Variants in CTIF observed in about 807,000 individuals in gnomAD.
CTIF encodes cap binding complex dependent translation initiation factor.
In CTIF, 21 loss-of-function variants were observed where a neutral mutation model predicts 66.0. That is an observed-to-expected ratio of 0.32 (90% CI 0.23 to 0.46). The LOEUF (loss-of-function observed/expected upper bound fraction) is 0.46. Among genes scored for constraint, CTIF ranks in the 20% least tolerant of loss-of-function variants. The pLI is 1.00. For missense variants in CTIF, 739 were observed against 812.7 expected (o/e 0.91, Z 1.10); for synonymous variants, 345 against 326.4 (o/e 1.06, Z -0.62).
At chr18:48,838,608 T>C (rs2068866101) in intron 10 of CTIF, among the ~76,000 whole-genome samples, 1 of 152,220 alleles carries the variant, frequency 6.6e-6, no homozygotes. Flanking sequence ...TCAAAGTATA[T>C]GCATTACTGC....
intron 7 of CTIF, among the ~76,000 whole-genome samples, chr18:48,719,024 CTGCT>C (rs1289271672): frequency 6.6e-5 from 10 of 152,154 alleles, no homozygotes; most frequent in Non-Finnish European, 1.3e-4. Flanking sequence ...TGGGAGAGGT[CTGCT>C]TTCTTTTTGC....
At chr18:48,836,512 G>A (rs11665556) in intron 10 of CTIF, among the ~76,000 whole-genome samples, 52,516 of 152,018 alleles carry the variant, frequency 0.35, 9,096 homozygotes, top group South Asian at 0.41. Context: ...AGGCCTGGGC[G>A]ATTATGAGGC....
intron 9 of CTIF, among the ~76,000 whole-genome samples, chr18:48,765,349 G>T (rs751644476): frequency 6.6e-6 from 1 of 152,104 alleles, no homozygotes; most frequent in Non-Finnish European, 1.5e-5. Flanking sequence ...GGCAGCCTCC[G>T]AGATGCCCCC....
At chr18:48,787,637 C>A (rs1462456505) in intron 9 of CTIF, among the ~76,000 whole-genome samples, 4 of 152,180 alleles carry the variant, frequency 2.6e-5, no homozygotes, top group Admixed American at 6.5e-5. Flanking sequence ...AGTCTGCCCC[C>A]TCCTGAGAAG....
At chr18:48,825,139 G>C (rs970844841) in intron 10 of CTIF, among the ~76,000 whole-genome samples, 1 of 152,116 alleles carries the variant, frequency 6.6e-6, no homozygotes, top group African/African-American at 2.4e-5. Context: ...AAGGAGGAAG[G>C]CAGGGCGCTT....
chr18:48,648,290 C>T (rs1161201565), intron 3 of CTIF, among the ~76,000 whole-genome samples: 1 of 152,140 alleles, frequency 6.6e-6, no homozygotes, highest in Non-Finnish European at 1.5e-5. Flanking sequence ...GATGGACAGA[C>T]AGACACAGAT....
chr18:48,656,458 T>C (rs1379563557), intron 3 of CTIF, among the ~76,000 whole-genome samples: 1 of 152,216 alleles, frequency 6.6e-6, no homozygotes, highest in Non-Finnish European at 1.5e-5. Context: ...ACATACTGCA[T>C]GCTGGGTCAA....
At chr18:48,837,327 C>G (rs2068834262) in intron 10 of CTIF, among the ~76,000 whole-genome samples, 1 of 152,162 alleles carries the variant, frequency 6.6e-6, no homozygotes, top group African/African-American at 2.4e-5. Context: ...GCCCATCAAG[C>G]ATTTAGCAGG....
chr18:48,796,439 G>A (rs1407579120), intron 9 of CTIF, among the ~76,000 whole-genome samples: 2 of 152,162 alleles, frequency 1.3e-5, no homozygotes, highest in Non-Finnish European at 2.9e-5. Context: ...GCCTCCCAAA[G>A]TGCTGGGATT....
At chr18:48,550,216 C>G (rs1201874880) in intron 1 of CTIF, among the ~76,000 whole-genome samples, 3 of 152,172 alleles carry the variant, frequency 2.0e-5, no homozygotes, top group African/African-American at 7.2e-5. Context: ...AGGTGGAGAA[C>G]CCCAGTAGGC....
chr18:48,639,146 C>T lies in CTIF; in HGVS notation c.252+2461C>T, dbSNP rs116753214. Reference sequence around the variant, plus strand: ...CCCATGCCTGGAGAGCCGGCTGGGACGGAAGGGAAGGCTCAGTCAGAATGC... The same window carrying T: ...CCCATGCCTGGAGAGCCGGCTGGGATGGAAGGGAAGGCTCAGTCAGAATGC... On this transcript the variant is annotated intron_variant, in intron 3 of 11. Transcript: ENST00000256413. Among the ~76,000 whole-genome samples, 1,158 of 152,314 alleles carry T rather than the reference C, an allele frequency of 7.6e-3. 8 individuals are homozygous for T. The highest frequency in any genetic ancestry group is 0.024 in the African/African-American group (989 of 41,562).
chr18:48,632,900 G>A (rs937409123), intron 2 of CTIF, among the ~76,000 whole-genome samples: 3 of 152,260 alleles, frequency 2.0e-5, no homozygotes, highest in Non-Finnish European at 4.4e-5. Flanking sequence ...GTGACTTTTG[G>A]TTGGCAAATG....
intron 10 of CTIF, among the ~76,000 whole-genome samples, chr18:48,821,980 C>G (rs1361055263): frequency 1.3e-5 from 2 of 152,146 alleles, no homozygotes; most frequent in Non-Finnish European, 2.9e-5. Context: ...TAGCGACTCC[C>G]CATCTGCACT....
At chr18:48,635,350 G>A (rs2090798809) in intron 2 of CTIF, among the ~76,000 whole-genome samples, 1 of 132,426 alleles carries the variant, frequency 7.6e-6, no homozygotes. Flanking sequence ...TTTTTTTGAG[G>A]CTCACTCTGT....
At chr18:48,573,923 CT>C (rs142231016) in intron 1 of CTIF, among the ~76,000 whole-genome samples, 266 of 152,354 alleles carry the variant, frequency 1.7e-3, no homozygotes, top group African/African-American at 6.1e-3. Flanking sequence ...TCTGACACCC[CT>C]GGTGGCTGGT....
At chr18:48,711,789 G>A in intron 7 of CTIF, 94 bp downstream of exon 7, 1 of 1,046,462 alleles carries the variant, frequency 9.6e-7, no homozygotes, top group Non-Finnish European at 1.5e-6. Context: ...GCTTTTCCCA[G>A]TCACCAGCTG....
At chr18:48,842,487 C>G (rs1347718147) in intron 10 of CTIF, among the ~76,000 whole-genome samples, 1 of 152,164 alleles carries the variant, frequency 6.6e-6, no homozygotes, top group Non-Finnish European at 1.5e-5. Context: ...TTCCTGTTAG[C>G]GCGGAAGGGA....
chr18:48,585,936 T>C (rs1219567822), intron 1 of CTIF, among the ~76,000 whole-genome samples: 1 of 152,196 alleles, frequency 6.6e-6, no homozygotes, highest in African/African-American at 2.4e-5. Context: ...TATAGTTGAG[T>C]TTTAAAAAAT....
intron 7 of CTIF, among the ~76,000 whole-genome samples, chr18:48,727,874 G>A (rs964898531): frequency 4.6e-5 from 7 of 152,116 alleles, no homozygotes; most frequent in African/African-American, 7.2e-5. Flanking sequence ...TGATCTTTAC[G>A]CAGAAGTCAT....
Sources: allele counts gnomAD v4.1 joint callset (sites outside exome capture counted in the v4.1 genomes callset), GRCh38; gene constraint gnomAD v4.1.1; transcripts MANE v1.5; gene names NCBI Gene and HGNC (gene_info 2026-07-23, HGNC 2026-07-21).